Variants in NARS2 observed in about 807,000 individuals in gnomAD.
The protein encoded by NARS2 is asparaginyl-tRNA synthetase 2, mitochondrial.
A neutral mutation model predicts 62.9 loss-of-function variants in NARS2; 60 were observed. The observed-to-expected ratio is 0.95, with a 90% CI of 0.77 to 1.18. The LOEUF (loss-of-function observed/expected upper bound fraction) is 1.18. NARS2 is among the 50% of genes most tolerant of loss of function. The pLI is 0.00. For missense variants in NARS2, 619 were observed against 576.4 expected (o/e 1.07, Z -0.76); for synonymous variants, 196 against 200.0 (o/e 0.98, Z 0.17).
chr11:78,497,150 G>A (rs1193887679), intron 6 of NARS2, among the ~76,000 whole-genome samples: 1 of 147,610 alleles, frequency 6.8e-6, no homozygotes, highest in Non-Finnish European at 1.5e-5. Context: ...CATGAGCTTG[G>A]AGTTAATGTT....
intron 5 of NARS2, among the ~76,000 whole-genome samples, chr11:78,545,387 C>G (rs954416883): frequency 1.3e-5 from 2 of 152,156 alleles, no homozygotes; most frequent in African/African-American, 4.8e-5. Context: ...TCGATCCATA[C>G]CTGCCTTCAT....
intron 7 of NARS2, among the ~76,000 whole-genome samples, chr11:78,490,591 C>T (rs113641652): frequency 0.034 from 5,171 of 152,020 alleles, 273 homozygotes; most frequent in African/African-American, 0.12. Context: ...CTGAGGCAGG[C>T]GGATGGCTTG....
At chr11:78,517,841 T>A (rs1193588626) in intron 6 of NARS2, among the ~76,000 whole-genome samples, 1 of 152,214 alleles carries the variant, frequency 6.6e-6, no homozygotes, top group Admixed American at 6.5e-5. Context: ...TTTATACCGA[T>A]AGTCTGTTAA....
intron 3 of NARS2, among the ~76,000 whole-genome samples, chr11:78,567,943 T>C (rs1461104384): frequency 6.6e-6 from 1 of 152,234 alleles, no homozygotes; most frequent in Admixed American, 6.5e-5. Context: ...TTCTCCACTG[T>C]AAATTTAAAG....
intron 6 of NARS2, among the ~76,000 whole-genome samples, chr11:78,494,916 C>T (rs763365353): frequency 6.6e-6 from 1 of 152,046 alleles, no homozygotes; most frequent in Non-Finnish European, 1.5e-5. Flanking sequence ...TCCCACATTC[C>T]CCAGCTTATT....
intron 11 of NARS2, among the ~76,000 whole-genome samples, chr11:78,453,809 T>C (rs925893509): frequency 1.3e-5 from 2 of 152,190 alleles, no homozygotes; most frequent in African/African-American, 4.8e-5. Context: ...CCAGATGTGA[T>C]GGTGAAGAGA....
In NARS2 at chr11:78,574,831, C is replaced by T. The variant is rs897946618; in HGVS notation, c.-343G>A. 10 of 249,810 alleles carry T rather than the reference C, an allele frequency of 4.0e-5. No homozygotes were observed. Among genetic ancestry groups the T allele is most frequent in the Non-Finnish European group, 7.0e-5 (9 of 127,934 alleles). The allele number at this position is 249,810 out of a possible 1,614,324, so 15.5% of individuals were successfully genotyped here. ...GCAACACGCGCAACCACTCCTACCA[C>T]ACCACGCCAACGCCGCTTACGTCAT... On this transcript the variant is annotated 5_prime_UTR_variant, in exon 1 of 14. The change creates a new upstream start codon in the 5' untranslated region. Transcript: ENST00000281038.
intron 7 of NARS2, among the ~76,000 whole-genome samples, chr11:78,484,594 C>A (rs1353740427): frequency 6.6e-6 from 1 of 152,006 alleles, no homozygotes; most frequent in Non-Finnish European, 1.5e-5. Flanking sequence ...TGAACAGACA[C>A]TTCTTAAAAA....
chr11:78,467,562 TA>T (rs1565217205), intron 10 of NARS2, among the ~76,000 whole-genome samples: 2,080 of 150,404 alleles, frequency 0.014, 26 homozygotes, highest in East Asian at 0.04. Flanking sequence ...AATAAATAAA[TA>T]AATAAATTAA....
At chr11:78,502,764 G>A (rs1035277882) in intron 6 of NARS2, among the ~76,000 whole-genome samples, 9 of 152,148 alleles carry the variant, frequency 5.9e-5, no homozygotes, top group Admixed American at 3.3e-4. Context: ...GCCAAGGCAC[G>A]TGAATCAGCT....
intron 11 of NARS2, among the ~76,000 whole-genome samples, chr11:78,461,782 A>C (rs1183877052): frequency 1.7e-5 from 2 of 115,962 alleles, no homozygotes; most frequent in African/African-American, 4.4e-5. Context: ...CGTACCCACT[A>C]CAAAAAAAAA....
chr11:78,478,251 A>T (rs1422044208), intron 9 of NARS2, among the ~76,000 whole-genome samples, 187 bp downstream of exon 9: 1 of 151,962 alleles, frequency 6.6e-6, no homozygotes, highest in Non-Finnish European at 1.5e-5. Context: ...AAGAGCTATA[A>T]AAATAATTAG....
At chr11:78,446,127 CACATT>C (rs1464944462) in intron 11 of NARS2, among the ~76,000 whole-genome samples, 1 of 152,122 alleles carries the variant, frequency 6.6e-6, no homozygotes, top group Non-Finnish European at 1.5e-5. Flanking sequence ...CTTTAAATGT[CACATT>C]ACATTATAAA....
chr11:78,536,572 A>T (rs556164411), intron 5 of NARS2, among the ~76,000 whole-genome samples: 1 of 152,340 alleles, frequency 6.6e-6, no homozygotes, highest in East Asian at 1.9e-4. Context: ...AATAGAAAAA[A>T]GCTTATAGAA....
chr11:78,551,950 T>C (rs1177928934), intron 5 of NARS2, among the ~76,000 whole-genome samples: 2 of 152,164 alleles, frequency 1.3e-5, no homozygotes, highest in East Asian at 3.8e-4. Context: ...GATTCACCAA[T>C]ACGAACCTTC....
intron 6 of NARS2, among the ~76,000 whole-genome samples, chr11:78,494,224 C>T (rs557205644): frequency 1.3e-5 from 2 of 152,248 alleles, no homozygotes; most frequent in African/African-American, 4.8e-5. Context: ...TATTGTTTCC[C>T]TCACATTCAA....
chr11:78,563,682 T>A (rs1290115645), intron 4 of NARS2, among the ~76,000 whole-genome samples: 1 of 147,880 alleles, frequency 6.8e-6, no homozygotes, highest in Admixed American at 6.8e-5. Flanking sequence ...AATACAAAAA[T>A]TAGCTGGGTG....
chr11:78,547,420 C>A (rs1362439804), intron 5 of NARS2, among the ~76,000 whole-genome samples: 3 of 152,190 alleles, frequency 2.0e-5, no homozygotes, highest in African/African-American at 7.2e-5. Context: ...CCAATGAATT[C>A]TCCATCAGTA....
At chr11:78,544,146 G>A (rs1452273583) in intron 5 of NARS2, among the ~76,000 whole-genome samples, 2 of 151,602 alleles carry the variant, frequency 1.3e-5, no homozygotes, top group Non-Finnish European at 2.9e-5. Flanking sequence ...ACTTTTAACT[G>A]GTTTCTCTTC....
Sources: allele counts gnomAD v4.1 joint callset (sites outside exome capture counted in the v4.1 genomes callset), GRCh38; gene constraint gnomAD v4.1.1; transcripts MANE v1.5; gene names NCBI Gene and HGNC (gene_info 2026-07-23, HGNC 2026-07-21).